The following DOK4 variants were observed in gnomAD, a reference collection of about 807,000 sequenced individuals.
DOK4 encodes the protein downstream of tyrosine kinase 4.
In DOK4, 26 loss-of-function variants were observed where a neutral mutation model predicts 40.1. That is an observed-to-expected ratio of 0.65 (90% CI 0.48 to 0.90). The LOEUF is 0.90. Ranked by LOEUF, DOK4 falls within the 40% of genes least tolerant of loss-of-function variation. DOK4 has a pLI of 0.00. For missense variants in DOK4, 392 were observed against 437.2 expected, an observed-to-expected ratio of 0.90 and a Z score of 0.92; for synonymous variants, 179 against 177.0, an observed-to-expected ratio of 1.01 and a Z score of -0.09.
chr16:57,481,714 G>A (rs2031414717), intron 1 of DOK4: 1 of 152,234 alleles, frequency 6.6e-6, no homozygotes, highest in Non-Finnish European at 1.5e-5. Context: ...AATCCAGCTG[G>A]CTGTGTGGTC....
exon 9 of DOK4, chr16:57,473,121 GTATGTCA>G (rs1419840046): frequency 3.9e-6 from 2 of 515,210 alleles, no homozygotes; most frequent in Non-Finnish European, 6.9e-6. Flanking sequence ...TTGATACAGA[GTATGTCA>G]TAAGCCATAT....
At chr16:57,477,301 C>T (rs1472904639) in intron 2 of DOK4, among the ~76,000 whole-genome samples, 1 of 152,234 alleles carries the variant, frequency 6.6e-6, no homozygotes, top group African/African-American at 2.4e-5. Flanking sequence ...TGCTCCTGCA[C>T]CCCTGACCCT....
rs543475192 is a variant in DOK4 at position 57,479,350 on chromosome 16, G to A, written c.66+92C>T. ...GATGCCCGGCAGCCGGAGGGCAGCC[G>A]CGTGCCCCACGCGCCATGCCTCCAA... is the stretch of plus-strand genomic sequence containing the variant. On this transcript the variant is annotated intron_variant, in intron 2 of 8. Coordinates refer to ENST00000340099, the Ensembl canonical transcript of DOK4. This position sits in a 1 kb window ranked among gnomAD's most constrained non-coding sequence, Gnocchi z 5.8. 1,517 of 1,423,670 alleles carry A rather than the reference G, an allele frequency of 1.1e-3. 1 individual carries two copies. The highest frequency in any genetic ancestry group is 1.4e-3 in the Non-Finnish European group (1,396 of 1,031,182). 88.2% of individuals were successfully genotyped at this position (1,423,670 alleles called of 1,614,324 possible). A position where few individuals can be genotyped will look rare whatever the true frequency, so the allele number is the denominator to read the frequency against.
chr16:57,474,859 G>A lies in DOK4; in HGVS notation c.533C>T (p.Ser178Leu), dbSNP rs367666577. 5 of 1,614,174 alleles carry A rather than the reference G, an allele frequency of 3.1e-6. No individual in the cohort carries two copies. The South Asian group carries it at 3.3e-5, about 11-fold the overall frequency. ...GCGGCGCAGTGAGCAGAGGGGCCACGAGACGAGCTTCACACGGGGGTTGTG... is the reference window on the plus strand; with the variant it reads ...GCGGCGCAGTGAGCAGAGGGGCCACAAGACGAGCTTCACACGGGGGTTGTG... The change falls in exon 6 of 9, where the codon TCG becomes TTG. Residue 178 changes from serine to leucine, a missense_variant. Transcript: ENST00000340099.
chr16:57,478,943 C>A (rs1196889351), intron 2 of DOK4, among the ~76,000 whole-genome samples: 3 of 152,104 alleles, frequency 2.0e-5, no homozygotes, highest in Non-Finnish European at 4.4e-5. Context: ...CAAAAATTTA[C>A]TAAATATCTG....
rs1457062254 is a variant in DOK4 at position 57,473,143 on chromosome 16, T to A, written c.*234A>T. The A allele has an allele frequency of 7.0e-6, 4 of 571,046 alleles. No individual in the cohort carries two copies. The South Asian group carries it at 9.5e-5, about 14-fold the overall frequency. 35.4% of individuals were successfully genotyped at this position (571,046 alleles called of 1,614,324 possible). A position where few individuals can be genotyped will look rare whatever the true frequency, so the allele number is the denominator to read the frequency against. On this transcript the variant is annotated 3_prime_UTR_variant, in exon 9 of 9. Coordinates refer to ENST00000340099, the Ensembl canonical transcript of DOK4. The stretch of plus-strand genomic sequence containing the variant: ...AGAGTATGTCATAAGCCATATATAT[T>A]AAAATCATTAACAGTATATAGTCCC...
intron 3 of DOK4, 70 bp from the exon 4 acceptor site, chr16:57,475,690 CT>C (rs2031131846): frequency 1.3e-4 from 115 of 878,886 alleles, no homozygotes; most frequent in East Asian, 4.3e-4. Context: ...CTCTCTCTCT[CT>C]CTCTCCCTCC....
At chr16:57,482,662 C>T (rs1030527781) in intron 1 of DOK4, among the ~76,000 whole-genome samples, 2 of 151,962 alleles carry the variant, frequency 1.3e-5, no homozygotes, top group African/African-American at 2.4e-5. Context: ...CCACTGCGCC[C>T]GGCCCCTAGA....
chr16:57,486,865 T>C (rs2031557257), upstream of DOK4, among the ~76,000 whole-genome samples: 1 of 151,794 alleles, frequency 6.6e-6, no homozygotes, highest in African/African-American at 2.4e-5. Flanking sequence ...ATTGCTCCCC[T>C]AACCCCATCA....
intron 1 of DOK4, 94 bp downstream of exon 1, chr16:57,486,211 G>C (rs1425990123): frequency 6.6e-6 from 1 of 152,166 alleles, no homozygotes; most frequent in Non-Finnish European, 1.5e-5. Flanking sequence ...GGTTCAGGAA[G>C]TGACTGAGGG....
chr16:57,473,643 G>A lies in DOK4; in HGVS notation c.832C>T (p.Gln278Ter). 2 of 1,614,250 alleles carry A rather than the reference G, an allele frequency of 1.2e-6. No homozygotes were observed. The highest frequency in any genetic ancestry group is 1.7e-6 in the Non-Finnish European group (2 of 1,180,046). Residue 278 changes from glutamine to a stop codon, truncating the protein, a stop_gained, in exon 8 of 9, where the codon CAG (glutamine) becomes TAG (stop). Coordinates refer to ENST00000340099, the Ensembl canonical transcript of DOK4. LOFTEE classifies it high-confidence loss of function. Reference sequence around the variant, plus strand: ...TAGCTGGAGGCTTCGGCGATGTTCTGGGAACCAGTGATGTGGTGCCAGTAG... The same window carrying A: ...TAGCTGGAGGCTTCGGCGATGTTCTAGGAACCAGTGATGTGGTGCCAGTAG...
chr16:57,475,258 C>G (rs138308886), intron 4 of DOK4, 39 bp from the exon 5 acceptor site: 7 of 1,593,882 alleles, frequency 4.4e-6, no homozygotes, highest in Non-Finnish European at 6.0e-6. Context: ...CTCCAGAGCC[C>G]GGTAGCCCAC....
chr16:57,475,008 G>A, intron 5 of DOK4, 26 bp from the exon 6 acceptor site: 1 of 1,600,588 alleles, frequency 6.2e-7, no homozygotes, highest in Non-Finnish European at 8.5e-7. Context: ...GTGGACAAGT[G>A]GGACCAGAGT....
chr16:57,473,020 T>C (rs1285704930), exon 9 of DOK4: 2 of 232,486 alleles, frequency 8.6e-6, no homozygotes, highest in Non-Finnish European at 1.7e-5. Context: ...GCACTCATAC[T>C]CAAAAACAGC....
rs1227077232 is a variant in DOK4, at chr16:57,485,007, G to A, written c.-182+1298C>T. 3.3e-5 allele frequency among the ~76,000 whole-genome samples: 5 copies of A among 152,202 alleles called. No homozygotes were observed. Among genetic ancestry groups the A allele is most frequent in the Admixed American group, 6.5e-5 (1 of 15,278 alleles). ...TGCTCAATATTTGGGGGCTGAACAC[G>A]TAATTCTCTCCAGGACTTGTCCTCC... On this transcript the variant is annotated intron_variant, in intron 1 of 8. Transcript: ENST00000340099. The surrounding 1 kb of genome is among the most constrained non-coding windows in gnomAD (Gnocchi z 4.3).
intron 3 of DOK4, 39 bp downstream of exon 3, chr16:57,475,810 GC>G: frequency 6.8e-7 from 1 of 1,470,428 alleles, no homozygotes; most frequent in Middle Eastern, 1.8e-4. Context: ...ATCCCCCACA[GC>G]CCTGCCACTT....
rs1472751452 is a variant in DOK4 at position 57,479,293 on chromosome 16, G to A, written c.66+149C>T. ...AGCCCAGGCACATGCCAGGCAGCAC[G>A]CTGGCGAGGAGCCCCGAGACCACAG... is the stretch of plus-strand genomic sequence containing the variant. On this transcript the variant is annotated intron_variant, in intron 2 of 8. Coordinates refer to ENST00000340099, the Ensembl canonical transcript of DOK4. The surrounding 1 kb of genome is among the most constrained non-coding windows in gnomAD (Gnocchi z 5.8). 13 of 841,800 alleles carry A rather than the reference G, an allele frequency of 1.5e-5. No individual in the cohort carries two copies. The East Asian group carries it at 1.6e-4, about 11-fold the overall frequency. 52.1% of individuals were successfully genotyped at this position (841,800 alleles called of 1,614,324 possible).
exon 1 of DOK4, chr16:57,486,308 G>A (rs1232522977): frequency 2.0e-5 from 3 of 152,104 alleles, no homozygotes; most frequent in African/African-American, 7.3e-5. Flanking sequence ...AATTTACCTG[G>A]GCGCCGAGGC....
chr16:57,475,548 T>C (rs2031112190), exon 4 of DOK4: 2 of 1,610,048 alleles, frequency 1.2e-6, no homozygotes, highest in South Asian at 1.1e-5. Flanking sequence ...TCAGTGAATA[T>C]GATGGCCACC....
Sources: gnomAD v4.1 joint callset for allele counts (sites outside exome capture counted in the v4.1 genomes callset) on GRCh38, gnomAD v4.1.1 for gene constraint, Gnocchi (gnomAD v3.1) non-coding constraint, MANE v1.5 for transcripts, NCBI Gene and HGNC (gene_info 2026-07-23, HGNC 2026-07-21) for gene names.